SUPT3H: variants seen among roughly 807,000 people sequenced by gnomAD.
SUPT3H encodes SPT3 homolog, SAGA and STAGA complex component.
SUPT3H carries 44 observed loss-of-function variants against 44.3 expected under a neutral mutation model. That is an observed-to-expected ratio of 0.99 (90% confidence interval 0.78 to 1.28). The LOEUF (loss-of-function observed/expected upper bound fraction) is 1.28, where lower values mean the gene tolerates loss of function less well. Ranked by LOEUF, SUPT3H falls within the 50% of genes most tolerant of loss-of-function variation. SUPT3H has a pLI of 0.00. For synonymous variants in SUPT3H, 124 were observed against 125.6 expected, an observed-to-expected ratio of 0.99 and a Z score of 0.09; for missense variants, 380 against 387.1, an observed-to-expected ratio of 0.98 and a Z score of 0.15.
At chr6:45,298,347 A>G (rs978805613) in intron 2 of SUPT3H, among the ~76,000 whole-genome samples, 1 of 152,176 alleles carries the variant, frequency 6.6e-6, no homozygotes, top group African/African-American at 2.4e-5. Context: ...GTCACTTAAA[A>G]GAAAAAAAAA....
At chr6:45,219,190 AAGTAGAAAAAAAGCAAATAAACCTAAGC>A (rs1765581803) in intron 2 of SUPT3H, among the ~76,000 whole-genome samples, 1 of 152,160 alleles carries the variant, frequency 6.6e-6, no homozygotes, top group African/African-American at 2.4e-5. Context: ...TATCTCAAGA[AAGTAGAAAAAAAGCAAATAAACCTAAGC>A]AGGTAGATGG....
At chr6:45,206,936 G>A (rs574104443) in intron 2 of SUPT3H, among the ~76,000 whole-genome samples, 50 of 152,252 alleles carry the variant, frequency 3.3e-4, no homozygotes, top group African/African-American at 1.1e-3. Flanking sequence ...ATTTCAATAT[G>A]TGAACAAGGA....
At chr6:45,333,680 A>C (rs566028271) in intron 2 of SUPT3H, among the ~76,000 whole-genome samples, 2 of 151,492 alleles carry the variant, frequency 1.3e-5, no homozygotes, top group South Asian at 4.1e-4. Flanking sequence ...TGATATAAAA[A>C]ACAATCCCCA....
At chr6:45,287,269 AT>A (rs1359808213) in intron 2 of SUPT3H, among the ~76,000 whole-genome samples, 2 of 102,854 alleles carry the variant, frequency 1.9e-5, no homozygotes, top group Non-Finnish European at 3.6e-5. Context: ...AATAAAAAAT[AT>A]AAAAAATTAT....
chr6:45,223,450 T>G (rs1766396564), intron 2 of SUPT3H, among the ~76,000 whole-genome samples: 1 of 152,044 alleles, frequency 6.6e-6, no homozygotes, highest in East Asian at 1.9e-4. Flanking sequence ...TTCAGTAAGG[T>G]GTGCCATACT....
chr6:45,046,388 T>C (rs1452108655), intron 3 of SUPT3H, among the ~76,000 whole-genome samples: 1 of 152,150 alleles, frequency 6.6e-6, no homozygotes, highest in Non-Finnish European at 1.5e-5. Flanking sequence ...TGGAGTGCAG[T>C]GGCACGATCT....
chr6:44,950,020 C>T (rs1774033055), intron 9 of SUPT3H, among the ~76,000 whole-genome samples: 1 of 152,250 alleles, frequency 6.6e-6, no homozygotes, highest in East Asian at 1.9e-4. Flanking sequence ...ACCTCAGAAA[C>T]TGGTGACAGT....
Position 45,246,942 on chromosome 6 carries a change from C to A in SUPT3H, c.101+118259G>T, listed in dbSNP as rs77967881. Among the ~76,000 whole-genome samples the A allele has an allele frequency of 5.0e-3, 764 of 152,078 alleles. 30 individuals carry two copies. The highest frequency in any genetic ancestry group is 4.6e-3 in the East Asian group (24 of 5,186). On this transcript the variant is annotated intron_variant, in intron 2 of 10. Transcript: ENST00000371459. ...GAAACTAAAAAGATAAGAAGTAATC[C>A]TAGAGTAAGCAGAAGGAAAGATATA...
At chr6:45,316,138 C>T (rs184389991) in intron 2 of SUPT3H, among the ~76,000 whole-genome samples, 4 of 152,098 alleles carry the variant, frequency 2.6e-5, no homozygotes, top group African/African-American at 9.6e-5. Context: ...GACACAAAGG[C>T]GTAACAATGA....
intron 3 of SUPT3H, among the ~76,000 whole-genome samples, chr6:45,065,493 A>C (rs1265786108): frequency 6.6e-6 from 1 of 151,444 alleles, no homozygotes. Flanking sequence ...AGACACAAAA[A>C]ACCCTTCAAA....
At chr6:44,896,218 G>A (rs1436124951) in intron 10 of SUPT3H, among the ~76,000 whole-genome samples, 1 of 152,086 alleles carries the variant, frequency 6.6e-6, no homozygotes, top group East Asian at 1.9e-4. Context: ...CATAAGCCTT[G>A]AATTCAAGTT....
chr6:44,876,793 AC>A (rs1390490139), intron 10 of SUPT3H, among the ~76,000 whole-genome samples: 1 of 151,302 alleles, frequency 6.6e-6, no homozygotes, highest in Non-Finnish European at 1.5e-5. Flanking sequence ...TGCTTAAAAT[AC>A]ATAGTTGTAA....
At chr6:45,270,945 A>G (rs1213596614) in intron 2 of SUPT3H, among the ~76,000 whole-genome samples, 1 of 152,226 alleles carries the variant, frequency 6.6e-6, no homozygotes, top group African/African-American at 2.4e-5. Flanking sequence ...GGTGACTCTT[A>G]TGTTTCAGCA....
intron 3 of SUPT3H, among the ~76,000 whole-genome samples, chr6:45,038,734 A>ACAT (rs2153528511): frequency 6.6e-6 from 1 of 152,308 alleles, no homozygotes; most frequent in South Asian, 2.1e-4. Flanking sequence ...AAGTGAATAC[A>ACAT]GCACATAAAA....
chr6:45,047,994 C>A (rs189562447), intron 3 of SUPT3H, among the ~76,000 whole-genome samples: 27 of 152,044 alleles, frequency 1.8e-4, no homozygotes, highest in Non-Finnish European at 3.5e-4. Context: ...ACATCATCGC[C>A]AAGGCTTTTT....
At chr6:45,241,494 G>A (rs1326615289) in intron 2 of SUPT3H, among the ~76,000 whole-genome samples, 1 of 152,160 alleles carries the variant, frequency 6.6e-6, no homozygotes, top group Non-Finnish European at 1.5e-5. Context: ...TTCCCGTAAG[G>A]AATACTTTTA....
At chr6:45,172,746 C>G (rs1233850946) in intron 2 of SUPT3H, among the ~76,000 whole-genome samples, 1 of 151,882 alleles carries the variant, frequency 6.6e-6, no homozygotes, top group South Asian at 2.1e-4. Flanking sequence ...TGCGCACCAC[C>G]GTGCCCAGCT....
rs561606832 is a variant in SUPT3H, at chr6:45,053,354, A to G, written c.187-32722T>C. 1.4e-4 allele frequency among the ~76,000 whole-genome samples: 22 copies of G among 152,246 alleles called. No homozygotes were observed. In the East Asian group the frequency reaches 3.9e-3, roughly 27 times the overall value. Reference sequence around the variant, plus strand: ...AGCAATTGGTGGCAAGTAATCAGGAATACCAAGTGTGGCTAACAGAATAGC... The same window carrying G: ...AGCAATTGGTGGCAAGTAATCAGGAGTACCAAGTGTGGCTAACAGAATAGC... On this transcript the variant is annotated intron_variant, in intron 3 of 10. Coordinates refer to ENST00000371459, the MANE Select transcript of SUPT3H (RefSeq NM_003599.4).
intron 6 of SUPT3H, among the ~76,000 whole-genome samples, chr6:44,989,981 T>G (rs1320843267): frequency 6.6e-6 from 1 of 152,122 alleles, no homozygotes; most frequent in Admixed American, 6.6e-5. Context: ...TCCTTTGCCA[T>G]GCAGAAGCTT....
Sources: allele counts gnomAD v4.1 joint callset (sites outside exome capture counted in the v4.1 genomes callset), GRCh38; gene constraint gnomAD v4.1.1; transcripts MANE v1.5; gene names NCBI Gene and HGNC (gene_info 2026-07-23, HGNC 2026-07-21).